Variants in KCNIP4 observed in about 807,000 individuals in gnomAD.
KCNIP4 encodes Kv channel-interacting protein 4.
Under a neutral mutation model 34.0 loss-of-function variants are expected in KCNIP4, and 12 were observed. That is an observed-to-expected ratio of 0.35 (90% confidence interval 0.23 to 0.57). The LOEUF is 0.57. Ranked by LOEUF, KCNIP4 falls within the 20% of genes least tolerant of loss-of-function variation. The probability of loss-of-function intolerance (pLI) is 0.83; values close to 1 mark genes in which losing one functional copy is unlikely to be tolerated. For synonymous variants in KCNIP4, 124 were observed against 102.2 expected, an observed-to-expected ratio of 1.21 and a Z score of -1.29; for missense variants, 238 against 311.7, an observed-to-expected ratio of 0.76 and a Z score of 1.78.
chr4:21,415,223 T>C (rs28870173), intron 1 of KCNIP4, among the ~76,000 whole-genome samples: 1,539 of 152,072 alleles, frequency 0.01, 27 homozygotes, highest in African/African-American at 0.035. Flanking sequence ...TGATTCCACT[T>C]ATATGTGGGT....
intron 1 of KCNIP4, among the ~76,000 whole-genome samples, chr4:20,985,959 C>G (rs1736534499): frequency 1.3e-5 from 2 of 152,310 alleles, no homozygotes; most frequent in South Asian, 4.1e-4. Context: ...TACACTCCGT[C>G]TCTGAATCTT....
chr4:20,948,020 G>A (rs1209628381), intron 1 of KCNIP4, among the ~76,000 whole-genome samples: 4 of 152,096 alleles, frequency 2.6e-5, no homozygotes, highest in African/African-American at 4.8e-5. Flanking sequence ...CTTTTCCAGG[G>A]TTGCCATGGA....
intron 1 of KCNIP4, among the ~76,000 whole-genome samples, chr4:21,300,860 A>G (rs1435527994): frequency 6.6e-6 from 1 of 152,124 alleles, no homozygotes; most frequent in African/African-American, 2.4e-5. Context: ...ACACTCATTG[A>G]AGTTTTGAAA....
chr4:21,525,191 C>A (rs1175515759), intron 1 of KCNIP4, among the ~76,000 whole-genome samples: 3 of 152,110 alleles, frequency 2.0e-5, no homozygotes, highest in Non-Finnish European at 4.4e-5. Flanking sequence ...ACATGTAAAT[C>A]ACAACAGTAT....
chr4:20,892,989 G>C (rs114635095), intron 1 of KCNIP4, among the ~76,000 whole-genome samples: 2 of 152,072 alleles, frequency 1.3e-5, no homozygotes, highest in East Asian at 1.9e-4. Context: ...TTATAAATAG[G>C]GTGACAAGAC....
intron 1 of KCNIP4, among the ~76,000 whole-genome samples, chr4:21,926,168 AG>A (rs1729234647): frequency 6.6e-6 from 1 of 152,216 alleles, no homozygotes; most frequent in Non-Finnish European, 1.5e-5. Context: ...TGTGGCTAAA[AG>A]CTTTCTATGC....
chr4:20,844,777 T>C (rs1720165652), intron 3 of KCNIP4, among the ~76,000 whole-genome samples: 1 of 152,148 alleles, frequency 6.6e-6, no homozygotes, highest in African/African-American at 2.4e-5. Flanking sequence ...CATCTGTTTT[T>C]AAAGATCTTA....
At chr4:21,797,902 A>G (rs762888959) in intron 1 of KCNIP4, among the ~76,000 whole-genome samples, 2 of 152,156 alleles carry the variant, frequency 1.3e-5, no homozygotes, top group Non-Finnish European at 2.9e-5. Context: ...CACTATATAT[A>G]TGAGGCCAAT....
At chr4:21,030,010 T>C (rs1367755462) in intron 1 of KCNIP4, among the ~76,000 whole-genome samples, 8 of 152,168 alleles carry the variant, frequency 5.3e-5, no homozygotes, top group African/African-American at 2.4e-5. Context: ...AATAGTTCAG[T>C]TGGAGACTCC....
intron 1 of KCNIP4, among the ~76,000 whole-genome samples, chr4:21,706,287 T>G (rs1002655130): frequency 3.9e-5 from 6 of 152,134 alleles, no homozygotes; most frequent in African/African-American, 9.7e-5. Context: ...GTTTTCGAGA[T>G]GAAACCAGTT....
rs143780740 is a variant in KCNIP4, at chr4:20,753,255, C to A, written c.359-3523G>T. ...TTCATGGTAAAGTTGGCAATGGAAT[C>A]AAGATATTCCTATACCATCTCTTAG... On this transcript the variant is annotated intron_variant, in intron 4 of 8. Coordinates refer to ENST00000382152, the MANE Select transcript of KCNIP4 (RefSeq NM_025221.6). Among the ~76,000 whole-genome samples, 148 of 152,198 alleles carry A rather than the reference C, an allele frequency of 9.7e-4. 1 individual carries two copies. Among genetic ancestry groups the A allele is most frequent in the African/African-American group, 3.5e-3 (145 of 41,524 alleles).
chr4:21,710,448 G>A (rs766748870), intron 1 of KCNIP4, among the ~76,000 whole-genome samples: 6 of 152,192 alleles, frequency 3.9e-5, no homozygotes, highest in Non-Finnish European at 7.3e-5. Flanking sequence ...CATGACAACA[G>A]GTGGTACTAA....
At chr4:21,561,733 G>A (rs1292386575) in intron 1 of KCNIP4, among the ~76,000 whole-genome samples, 1 of 151,922 alleles carries the variant, frequency 6.6e-6, no homozygotes, top group Non-Finnish European at 1.5e-5. Context: ...ATAGATGCAT[G>A]GTAATTGAGG....
At chr4:21,245,569 A>G (rs936391526) in intron 1 of KCNIP4, among the ~76,000 whole-genome samples, 9 of 152,202 alleles carry the variant, frequency 5.9e-5, no homozygotes, top group African/African-American at 2.2e-4. Context: ...ACACGTAAAA[A>G]TCCCTGTAGG....
intron 1 of KCNIP4, among the ~76,000 whole-genome samples, chr4:21,014,241 A>T (rs1223076872): frequency 1.3e-5 from 2 of 152,200 alleles, no homozygotes; most frequent in Non-Finnish European, 2.9e-5. Flanking sequence ...CTACAAGACC[A>T]CCACATGCCC....
intron 2 of KCNIP4, among the ~76,000 whole-genome samples, chr4:20,856,813 T>C (rs1393556984): frequency 6.6e-6 from 1 of 152,150 alleles, no homozygotes; most frequent in Non-Finnish European, 1.5e-5. Flanking sequence ...AATTAAATTT[T>C]CTGAGCAGTC....
chr4:21,023,515 T>C (rs1433262830), intron 1 of KCNIP4, among the ~76,000 whole-genome samples: 3 of 152,064 alleles, frequency 2.0e-5, no homozygotes, highest in Admixed American at 2.0e-4. Flanking sequence ...TAAGAAAGGA[T>C]CTGAATATAA....
At chr4:21,589,208 A>T (rs1967218) in intron 1 of KCNIP4, among the ~76,000 whole-genome samples, 11,163 of 119,568 alleles carry the variant, frequency 0.093, 815 homozygotes, top group African/African-American at 0.12. Flanking sequence ...ATATGTGTAC[A>T]TATATAAGTA....
At chr4:20,834,959 G>A (rs997869874) in intron 3 of KCNIP4, among the ~76,000 whole-genome samples, 2 of 152,230 alleles carry the variant, frequency 1.3e-5, no homozygotes, top group African/African-American at 4.8e-5. Flanking sequence ...AGGCTTTCAG[G>A]TGCTTCTCTC....
Sources: allele counts gnomAD v4.1 joint callset (sites outside exome capture counted in the v4.1 genomes callset), GRCh38; gene constraint gnomAD v4.1.1; transcripts MANE v1.5; gene names NCBI Gene and HGNC (gene_info 2026-07-23, HGNC 2026-07-21).